Variants in FSTL5 observed in about 807,000 individuals in gnomAD.
FSTL5 encodes follistatin-related protein 5.
Under a neutral mutation model 89.1 loss-of-function variants are expected in FSTL5, and 62 were observed. The observed-to-expected ratio is 0.70, with a 90% CI of 0.57 to 0.86. The LOEUF (loss-of-function observed/expected upper bound fraction) is 0.86. Ranked by LOEUF, FSTL5 falls within the 40% of genes least tolerant of loss-of-function variation. The pLI is 0.00. For synonymous variants in FSTL5, 383 were observed against 346.2 expected (o/e 1.11, Z -1.18); for missense variants, 1,057 against 1,001.6 (o/e 1.06, Z -0.75).
At chr4:161,392,673 T>A (rs185859738) in intron 15 of FSTL5, among the ~76,000 whole-genome samples, 1 of 152,270 alleles carries the variant, frequency 6.6e-6, no homozygotes, top group Admixed American at 6.5e-5. Flanking sequence ...CTTCCTAATT[T>A]GGGATTGAAA....
intron 10 of FSTL5, among the ~76,000 whole-genome samples, chr4:161,534,220 T>A (rs1731517825): frequency 6.6e-6 from 1 of 152,024 alleles, no homozygotes; most frequent in South Asian, 2.1e-4. Context: ...GTACTGGAAG[T>A]CCTACCCAGA....
chr4:161,978,606 C>A (rs908255317), intron 3 of FSTL5, among the ~76,000 whole-genome samples: 1 of 152,092 alleles, frequency 6.6e-6, no homozygotes, highest in Admixed American at 6.5e-5. Context: ...TAACGATGGT[C>A]TTCTACATAC....
intron 3 of FSTL5, among the ~76,000 whole-genome samples, chr4:162,007,777 A>G (rs1050707406): frequency 3.3e-5 from 5 of 151,954 alleles, no homozygotes; most frequent in African/African-American, 1.2e-4. Flanking sequence ...GCTGTCTAGC[A>G]AAACATAAAG....
In FSTL5 at chr4:162,001,290, A is replaced by G. The variant is rs543338405; in HGVS notation, c.160+32335T>C. Among the ~76,000 whole-genome samples, 7 of 152,184 alleles carry G rather than the reference A, an allele frequency of 4.6e-5. No individual in the cohort carries two copies. The South Asian group carries it at 1.5e-3, about 32-fold the overall frequency. ...TGTTGTAGAGATAGAGAAACATCATATACCTATATCTATCTGTCTATCTAT... is the reference window on the plus strand; with the variant it reads ...TGTTGTAGAGATAGAGAAACATCATGTACCTATATCTATCTGTCTATCTAT... On this transcript the variant is annotated intron_variant, in intron 3 of 15. Coordinates refer to ENST00000306100, the MANE Select transcript of FSTL5 (RefSeq NM_020116.5).
intron 6 of FSTL5, among the ~76,000 whole-genome samples, chr4:161,671,359 C>T (rs1737102973): frequency 1.3e-5 from 2 of 152,136 alleles, no homozygotes; most frequent in African/African-American, 4.8e-5. Flanking sequence ...TGGAACACAG[C>T]CATACCCGTT....
intron 4 of FSTL5, among the ~76,000 whole-genome samples, chr4:161,837,336 A>G (rs1391961384): frequency 1.3e-5 from 2 of 152,186 alleles, no homozygotes; most frequent in African/African-American, 2.4e-5. Context: ...AGGGAAATTT[A>G]GAAAAAAACC....
chr4:162,008,496 T>C (rs555366709), intron 3 of FSTL5, among the ~76,000 whole-genome samples: 19 of 152,004 alleles, frequency 1.2e-4, no homozygotes, highest in Middle Eastern at 3.4e-3. Flanking sequence ...GGAAATCACG[T>C]TATTTTAATT....
intron 4 of FSTL5, among the ~76,000 whole-genome samples, chr4:161,786,658 T>C (rs1263383504): frequency 9.9e-5 from 15 of 152,164 alleles, no homozygotes; most frequent in Admixed American, 9.8e-4. Flanking sequence ...GACTTGGTTC[T>C]GGTATATAGT....
At chr4:161,989,173 A>G (rs138168054) in intron 3 of FSTL5, among the ~76,000 whole-genome samples, 1 of 152,278 alleles carries the variant, frequency 6.6e-6, no homozygotes, top group East Asian at 1.9e-4. Flanking sequence ...GAAGAAATAA[A>G]CAGGCCTTGT....
At chr4:162,013,553 G>A (rs113222891) in intron 3 of FSTL5, among the ~76,000 whole-genome samples, 1 of 152,096 alleles carries the variant, frequency 6.6e-6, no homozygotes, top group Non-Finnish European at 1.5e-5. Context: ...TAGAATTTGG[G>A]AAGGAAAAAA....
chr4:161,433,591 A>G (rs1268076651), intron 15 of FSTL5, among the ~76,000 whole-genome samples: 1 of 152,160 alleles, frequency 6.6e-6, no homozygotes, highest in Non-Finnish European at 1.5e-5. Flanking sequence ...AATAAAGGGC[A>G]TTCAAATTAC....
At chr4:161,431,635 A>G (rs1407722857) in intron 15 of FSTL5, among the ~76,000 whole-genome samples, 2 of 152,108 alleles carry the variant, frequency 1.3e-5, no homozygotes, top group African/African-American at 4.8e-5. Flanking sequence ...ATTGAATGTA[A>G]ATGGACTAAA....
chr4:162,036,818 C>A (rs1396613176), intron 2 of FSTL5, among the ~76,000 whole-genome samples: 1 of 151,842 alleles, frequency 6.6e-6, no homozygotes, highest in Non-Finnish European at 1.5e-5. Context: ...TAGATAGAAT[C>A]ATTGACTTTA....
chr4:162,073,749 A>G (rs976411731), intron 2 of FSTL5, among the ~76,000 whole-genome samples: 2 of 151,766 alleles, frequency 1.3e-5, no homozygotes, highest in African/African-American at 4.8e-5. Context: ...TTCTGGTATA[A>G]TTGCATATGA....
At chr4:161,740,258 T>G (rs11947920) in intron 6 of FSTL5, among the ~76,000 whole-genome samples, 1,891 of 152,016 alleles carry the variant, frequency 0.012, 47 homozygotes, top group South Asian at 0.07. Context: ...GACCTCAAGT[T>G]ATTCGCCCAC....
chr4:162,140,503 CAG>C (rs1436891633), intron 1 of FSTL5, among the ~76,000 whole-genome samples: 3 of 152,122 alleles, frequency 2.0e-5, no homozygotes, highest in Admixed American at 6.5e-5. Flanking sequence ...AGAGAGTTAA[CAG>C]GGGTGAGGAC....
At chr4:162,003,698 T>C (rs962144515) in intron 3 of FSTL5, among the ~76,000 whole-genome samples, 1 of 152,214 alleles carries the variant, frequency 6.6e-6, no homozygotes, top group Non-Finnish European at 1.5e-5. Context: ...ATTGTAAATG[T>C]GTATGTAAAT....
chr4:161,781,848 A>G (rs1741681544), intron 4 of FSTL5, among the ~76,000 whole-genome samples: 1 of 152,156 alleles, frequency 6.6e-6, no homozygotes, highest in Non-Finnish European at 1.5e-5. Context: ...ATTATACTAT[A>G]ATTTACAGAA....
At chr4:162,022,138 T>G (rs1336160862) in intron 3 of FSTL5, among the ~76,000 whole-genome samples, 1 of 151,542 alleles carries the variant, frequency 6.6e-6, no homozygotes, top group Non-Finnish European at 1.5e-5. Flanking sequence ...ATGTAGACTA[T>G]TTGGACTATT....
Sources: allele counts gnomAD v4.1 joint callset (sites outside exome capture counted in the v4.1 genomes callset), GRCh38; gene constraint gnomAD v4.1.1; transcripts MANE v1.5; gene names NCBI Gene and HGNC (gene_info 2026-07-23, HGNC 2026-07-21).